The following TACC2 variants were observed in gnomAD, a reference collection of about 807,000 sequenced individuals.
The protein encoded by TACC2 is transforming acidic coiled-coil containing protein 2.
Under a neutral mutation model 227.3 loss-of-function variants are expected in TACC2, and 137 were observed. That is an observed-to-expected ratio of 0.60 (90% CI 0.52 to 0.69). The LOEUF (loss-of-function observed/expected upper bound fraction) is 0.69. TACC2 is among the 30% of genes least tolerant of loss of function. TACC2 has a pLI of 0.00. For missense variants in TACC2, 3,470 were observed against 3,694.4 expected (o/e 0.94, Z 1.57); for synonymous variants, 1,523 against 1,487.5 (o/e 1.02, Z -0.55).
intron 16 of TACC2, among the ~76,000 whole-genome samples, chr10:122,231,842 T>C (rs2095756428): frequency 1.3e-5 from 2 of 152,156 alleles, no homozygotes; most frequent in Non-Finnish European, 2.9e-5. Flanking sequence ...CCCTATCTTT[T>C]AATTGAAAAA....
At chr10:122,174,421 G>T (rs933698482) in intron 7 of TACC2, among the ~76,000 whole-genome samples, 1 of 152,234 alleles carries the variant, frequency 6.6e-6, no homozygotes, top group African/African-American at 2.4e-5. Flanking sequence ...CCATGGGCTT[G>T]AGAAGACTGG....
intron 2 of TACC2, among the ~76,000 whole-genome samples, chr10:122,041,514 T>G (rs1591374841): frequency 6.6e-6 from 1 of 150,384 alleles, no homozygotes; most frequent in Admixed American, 6.7e-5. Flanking sequence ...TGGCGCGATC[T>G]CGGCTCACTA....
At chr10:122,018,671 TCGGGTGAGGCTTTTG>T (rs1440970133) in intron 1 of TACC2, among the ~76,000 whole-genome samples, 2 of 152,210 alleles carry the variant, frequency 1.3e-5, no homozygotes, top group Admixed American at 6.5e-5. Context: ...TTCTTTCACT[TCGGGTGAGGCTTTTG>T]GAGTTCCTCC....
chr10:122,068,853 G>GT (rs1296607954), intron 3 of TACC2, among the ~76,000 whole-genome samples: 100 of 133,536 alleles, frequency 7.5e-4, no homozygotes, highest in African/African-American at 2.8e-3. Flanking sequence ...TGACCTAGAA[G>GT]TTTTTTTTTT....
chr10:122,139,574 A>G (rs1047764249), intron 6 of TACC2, among the ~76,000 whole-genome samples: 3 of 152,164 alleles, frequency 2.0e-5, no homozygotes, highest in African/African-American at 7.2e-5. Context: ...ATTTGTATCA[A>G]CCAAGCCTGG....
intron 5 of TACC2, among the ~76,000 whole-genome samples, chr10:122,102,816 A>G (rs902278763): frequency 6.6e-6 from 1 of 152,148 alleles, no homozygotes; most frequent in African/African-American, 2.4e-5. Flanking sequence ...CACATCTAGA[A>G]ATTCTGGCTG....
Position 122,083,629 on chromosome 10 carries a change from C to T in TACC2, c.1129C>T (p.Gln377Ter). The T allele has an allele frequency of 6.2e-7, 1 of 1,611,532 alleles. No homozygotes were observed. Among genetic ancestry groups the T allele is most frequent in the East Asian group, 2.2e-5 (1 of 44,878 alleles). ...CACCATTGATGTTCAGGGTCACCCACAGACAGGGATGCGAGGAACCAAGCC... is the reference window on the plus strand; with the variant it reads ...CACCATTGATGTTCAGGGTCACCCATAGACAGGGATGCGAGGAACCAAGCC... Reference protein sequence around the residue: ...LDTIDVQGHPQTGMRGTKPNQ... With the variant: ...LDTIDVQGHP The change falls in exon 4 of 23, where the codon CAG becomes TAG. Residue 377 changes from glutamine to a stop codon, truncating the protein, a stop_gained. Transcript: ENST00000369005. LOFTEE classifies it high-confidence loss of function.
chr10:122,076,400 G>C (rs78224953), intron 3 of TACC2, among the ~76,000 whole-genome samples: 1 of 152,076 alleles, frequency 6.6e-6, no homozygotes, highest in African/African-American at 2.4e-5. Flanking sequence ...AAGTTTCAGC[G>C]GGAGTTTGAA....
At chr10:122,162,139 A>AG (rs1441229146) in intron 7 of TACC2, among the ~76,000 whole-genome samples, 5 of 152,204 alleles carry the variant, frequency 3.3e-5, no homozygotes, top group Admixed American at 6.5e-5. Flanking sequence ...AAACCTTCTC[A>AG]GTGTTTCTGG....
At chr10:122,025,735 T>C (rs1465488439) in intron 2 of TACC2, among the ~76,000 whole-genome samples, 2 of 151,282 alleles carry the variant, frequency 1.3e-5, no homozygotes, top group African/African-American at 4.9e-5. Flanking sequence ...CCACCATGCC[T>C]GGCTAATTTT....
chr10:122,101,517 C>T lies in TACC2; in HGVS notation c.5573+12926C>T, dbSNP rs189162544. Among the ~76,000 whole-genome samples the T allele has an allele frequency of 1.2e-3, 166 of 142,296 alleles. 3 individuals carry two copies. In the East Asian group the frequency reaches 0.035, roughly 30 times the overall value. The allele number at this position is 142,296 out of a possible 152,430, so 93.4% of individuals were successfully genotyped here. ...GGAGGATCACTTGAGTTCAGGAGTT[C>T]GAGACCAGCCTGGGCAACATGGCAA... On this transcript the variant is annotated intron_variant, in intron 5 of 22. Transcript: ENST00000369005.
At chr10:122,149,699 G>A (rs993381137) in intron 7 of TACC2, among the ~76,000 whole-genome samples, 4 of 152,226 alleles carry the variant, frequency 2.6e-5, no homozygotes, top group African/African-American at 7.2e-5. Context: ...GCTCCCCAGC[G>A]CGGCACTTTG....
chr10:122,248,991 C>G, intron 20 of TACC2, 59 bp from the exon 21 acceptor site: 1 of 1,539,838 alleles, frequency 6.5e-7, no homozygotes. Context: ...GGGGTTCCCA[C>G]CAGTGCTGGG....
chr10:122,153,533 A>G (rs1198018763), intron 7 of TACC2, among the ~76,000 whole-genome samples: 1 of 152,160 alleles, frequency 6.6e-6, no homozygotes, highest in Admixed American at 6.5e-5. Flanking sequence ...TCGGGTTTCG[A>G]GTCCCAGAGG....
intron 5 of TACC2, among the ~76,000 whole-genome samples, chr10:122,132,399 T>A (rs2088470322): frequency 6.6e-6 from 1 of 152,120 alleles, no homozygotes; most frequent in Admixed American, 6.5e-5. Context: ...TACAAAAAAA[T>A]TAGCTGGCTG....
chr10:122,157,885 T>G (rs953815349), intron 7 of TACC2, among the ~76,000 whole-genome samples: 6 of 152,064 alleles, frequency 3.9e-5, no homozygotes, highest in Non-Finnish European at 8.8e-5. Context: ...AAAGAAAGAT[T>G]TTGAGGATCA....
intron 7 of TACC2, among the ~76,000 whole-genome samples, chr10:122,160,538 T>TGTG (rs568359856): frequency 4.6e-5 from 7 of 150,796 alleles, no homozygotes; most frequent in East Asian, 2.0e-4. Context: ...AGTGTGTGTG[T>TGTG]GGGGGGGGTC....
Position 122,204,563 on chromosome 10 carries a change from C to T in TACC2, c.5972-5834C>T, listed in dbSNP as rs143843738. Among the ~76,000 whole-genome samples, 46 of 152,282 alleles carry T rather than the reference C, an allele frequency of 3.0e-4. No homozygotes were observed. In the East Asian group the frequency reaches 8.1e-3, roughly 27 times the overall value. On this transcript the variant is annotated intron_variant, in intron 8 of 22. Transcript: ENST00000369005. Reference sequence around the variant, plus strand: ...CAGAGAGGGACATGTGGGCCGGGTACGGTGGCCCATGCCTGTCATCTCAGC... The same window carrying T: ...CAGAGAGGGACATGTGGGCCGGGTATGGTGGCCCATGCCTGTCATCTCAGC...
At chr10:122,241,890 G>T in intron 18 of TACC2, 68 bp from the exon 19 acceptor site, 1 of 1,461,636 alleles carries the variant, frequency 6.8e-7, no homozygotes, top group Non-Finnish European at 9.6e-7. Context: ...AGGCTGTGGC[G>T]TCCAGCTGTG....
Sources: allele counts gnomAD v4.1 joint callset (sites outside exome capture counted in the v4.1 genomes callset), GRCh38; gene constraint gnomAD v4.1.1; transcripts MANE v1.5; gene names NCBI Gene and HGNC (gene_info 2026-07-23, HGNC 2026-07-21).